Variants in CYP19A1 observed in about 807,000 individuals in gnomAD.
CYP19A1 encodes the protein aromatase.
Under a neutral mutation model 44.4 loss-of-function variants are expected in CYP19A1, and 32 were observed. That is an observed-to-expected ratio of 0.72 (90% CI 0.54 to 0.97). The LOEUF (loss-of-function observed/expected upper bound fraction) is 0.97, where lower values mean the gene tolerates loss of function less well. CYP19A1 is among the 50% of genes least tolerant of loss of function. The pLI, the probability that CYP19A1 is intolerant of heterozygous loss-of-function variation, is 0.00. For missense variants in CYP19A1, 598 were observed against 637.8 expected, an observed-to-expected ratio of 0.94 and a Z score of 0.67; for synonymous variants, 212 against 215.6, an observed-to-expected ratio of 0.98 and a Z score of 0.14.
intron 1 of CYP19A1, among the ~76,000 whole-genome samples, chr15:51,330,736 A>G (rs2036687857): frequency 6.6e-6 from 1 of 152,192 alleles, no homozygotes; most frequent in African/African-American, 2.4e-5. Context: ...GAACAGTCGG[A>G]GAAGTAGGAG....
Position 51,216,494 on chromosome 15 carries a change from C to A in CYP19A1, c.744-677G>T, listed in dbSNP as rs191112040. 2.1e-3 allele frequency among the ~76,000 whole-genome samples: 317 copies of A among 152,266 alleles called. 2 individuals carry two copies. Among genetic ancestry groups the A allele is most frequent in the Non-Finnish European group, 2.9e-3 (198 of 68,026 alleles). On this transcript the variant is annotated intron_variant, in intron 6 of 9. Coordinates refer to ENST00000396402, the MANE Select transcript of CYP19A1 (RefSeq NM_000103.4). ...TCTCAAACTCCTGACCTCAGGTGAT[C>A]CACCCACCTCGGCCTCCCAAAGTGC...
intron 1 of CYP19A1, among the ~76,000 whole-genome samples, chr15:51,282,241 T>G (rs1437430677): frequency 6.6e-6 from 1 of 152,202 alleles, no homozygotes; most frequent in East Asian, 1.9e-4. Context: ...TTCATCTTCT[T>G]GTTGGGAAAA....
chr15:51,247,431 C>T (rs930630624), intron 1 of CYP19A1, among the ~76,000 whole-genome samples: 13 of 151,564 alleles, frequency 8.6e-5, no homozygotes, highest in African/African-American at 2.9e-4. Context: ...CTCCTCCTGA[C>T]CTTCTCCCCC....
chr15:51,318,218 TAA>T (rs56163756), intron 1 of CYP19A1, among the ~76,000 whole-genome samples: 2 of 149,478 alleles, frequency 1.3e-5, no homozygotes, highest in African/African-American at 4.9e-5. Context: ...TCTAAAAATG[TAA>T]AAAAAAAAAT....
At chr15:51,296,356 A>G (rs2140995833) in intron 1 of CYP19A1, among the ~76,000 whole-genome samples, 1 of 152,260 alleles carries the variant, frequency 6.6e-6, no homozygotes, top group South Asian at 2.1e-4. Flanking sequence ...TCCCTCTCCC[A>G]AGTCAAGGTG....
intron 1 of CYP19A1, among the ~76,000 whole-genome samples, chr15:51,265,055 T>C (rs568964637): frequency 2.6e-5 from 4 of 152,354 alleles, no homozygotes; most frequent in Admixed American, 6.5e-5. Flanking sequence ...ATAAATCCTA[T>C]TTCATCCACT....
chr15:51,323,611 A>C (rs1318657765), intron 1 of CYP19A1, among the ~76,000 whole-genome samples: 1 of 152,172 alleles, frequency 6.6e-6, no homozygotes, highest in East Asian at 1.9e-4. Flanking sequence ...ACAAGATAAC[A>C]TGAAAGTGCT....
intron 1 of CYP19A1, among the ~76,000 whole-genome samples, chr15:51,325,636 A>G (rs555791269): frequency 4.9e-4 from 75 of 152,134 alleles, no homozygotes; most frequent in African/African-American, 8.0e-4. Context: ...TCAGTAGATC[A>G]AGACCATCCT....
At chr15:51,245,858 C>T (rs1290407847) in intron 1 of CYP19A1, among the ~76,000 whole-genome samples, 4 of 152,248 alleles carry the variant, frequency 2.6e-5, no homozygotes, top group South Asian at 2.1e-4. Flanking sequence ...AGTTAAGCAG[C>T]TTGCCCTAGG....
intron 1 of CYP19A1, among the ~76,000 whole-genome samples, chr15:51,280,346 C>T (rs571002565): frequency 6.6e-6 from 1 of 152,066 alleles, no homozygotes; most frequent in African/African-American, 2.4e-5. Flanking sequence ...GATCCACCCC[C>T]CTTGGCCTCC....
chr15:51,227,748 A>G (rs112976147), intron 4 of CYP19A1, 31 bp downstream of exon 4: 17 of 942,972 alleles, frequency 1.8e-5, no homozygotes, highest in Non-Finnish European at 2.9e-5. Context: ...CATAGACAAA[A>G]AAGATTGTAG....
chr15:51,218,938 A>G (rs1339666623), intron 5 of CYP19A1, among the ~76,000 whole-genome samples: 14 of 152,336 alleles, frequency 9.2e-5, no homozygotes, highest in Admixed American at 5.9e-4. Context: ...AGAATTTCAC[A>G]TATTCTCCTT....
Position 51,222,358 on chromosome 15 carries a change from G to T in CYP19A1, c.619C>A (p.Pro207Thr), listed in dbSNP as rs17853490. ...DTSNTLFLRI[P>T]LDESAIVVKI... ...GTGAAAATTTCAGTACCGTCCAAAG[G>T]GATCCTCAAGAAGAGCGTGTTAGAG... is the stretch of plus-strand genomic sequence containing the variant. Residue 207 changes from proline to threonine, a missense_variant, in exon 5 of 10, where the codon CCT (proline) becomes ACT (threonine). Coordinates refer to ENST00000396402, the MANE Select transcript of CYP19A1 (RefSeq NM_000103.4). 1 of 1,614,086 alleles carries T rather than the reference G, an allele frequency of 6.2e-7. No individual in the cohort carries two copies.
intron 8 of CYP19A1, among the ~76,000 whole-genome samples, chr15:51,213,097 G>A (rs2141036231): frequency 6.6e-6 from 1 of 152,260 alleles, no homozygotes; most frequent in South Asian, 2.1e-4. Flanking sequence ...AAAGTGAGAT[G>A]GCAGATTTGA....
At chr15:51,272,611 G>A (rs1292682973) in intron 1 of CYP19A1, among the ~76,000 whole-genome samples, 1 of 152,274 alleles carries the variant, frequency 6.6e-6, no homozygotes, top group East Asian at 1.9e-4. Flanking sequence ...TAATGAGTTC[G>A]TACCTTCACA....
intron 3 of CYP19A1, among the ~76,000 whole-genome samples, chr15:51,230,696 G>A (rs2032960154): frequency 7.0e-6 from 1 of 141,926 alleles, no homozygotes; most frequent in Admixed American, 7.5e-5. Flanking sequence ...TCAGCTAATT[G>A]CAAACTCCAC....
chr15:51,310,114 A>C lies in CYP19A1; in HGVS notation c.-39+28381T>G, dbSNP rs180946243. 3.9e-4 allele frequency among the ~76,000 whole-genome samples: 59 copies of C among 152,346 alleles called. 1 individual carries two copies. Among genetic ancestry groups the C allele is most frequent in the African/African-American group, 1.3e-3 (55 of 41,584 alleles). On this transcript the variant is annotated intron_variant, in intron 1 of 9. Coordinates refer to ENST00000396402, the MANE Select transcript of CYP19A1 (RefSeq NM_000103.4). ...AGTCCTGGGGAAGCACTAACCAAAAAAGATGAATTCCAACTGTGTTGCTCA... is the reference window on the plus strand; with the variant it reads ...AGTCCTGGGGAAGCACTAACCAAAACAGATGAATTCCAACTGTGTTGCTCA...
intron 3 of CYP19A1, among the ~76,000 whole-genome samples, chr15:51,234,849 G>T (rs911318777): frequency 3.3e-5 from 5 of 152,130 alleles, no homozygotes; most frequent in Admixed American, 6.5e-5. Context: ...GCTTTGAAAA[G>T]CTCCCTGGGT....
rs549689238 is a variant in CYP19A1 at position 51,218,572 on chromosome 15, A to G, written c.712T>C (p.Ser238Pro). ...LIKPDIFFKI[S>P]WLYKKYEKSV... ...TTCTCATACTTTTTGTATAGCCAAG[A>G]AATCTTAAAGAAGATGTCTGGTTTG... The change falls in exon 6 of 10, where the codon TCT (serine) becomes CCT (proline). Residue 238 changes from serine to proline, a missense_variant. By Grantham distance (74) the Ser-to-Pro change is moderately conservative. Transcript: ENST00000396402. 4.4e-5 allele frequency: 71 copies of G among 1,613,812 alleles called. No homozygotes were observed. The highest frequency in any genetic ancestry group is 3.5e-4 in the South Asian group (32 of 91,032).
Sources: gnomAD v4.1 joint callset for allele counts (sites outside exome capture counted in the v4.1 genomes callset) on GRCh38, gnomAD v4.1.1 for gene constraint, MANE v1.5 for transcripts, NCBI Gene and HGNC (gene_info 2026-07-23, HGNC 2026-07-21) for gene names.